Variants in SUGCT observed in about 807,000 individuals in gnomAD.
The protein encoded by SUGCT is succinyl-CoA:glutarate CoA-transferase.
A neutral mutation model predicts 55.0 loss-of-function variants in SUGCT; 41 were observed. The observed-to-expected ratio is 0.74, with a 90% CI of 0.58 to 0.97. The LOEUF is 0.97. Ranked by LOEUF, SUGCT falls within the 50% of genes least tolerant of loss-of-function variation. The probability of loss-of-function intolerance (pLI) is 0.00; values close to 1 mark genes in which losing one functional copy is unlikely to be tolerated. For missense variants in SUGCT, 568 were observed against 547.8 expected (o/e 1.04, Z -0.37); for synonymous variants, 187 against 200.4 (o/e 0.93, Z 0.56).
chr7:40,827,162 G>A (rs1246040167), intron 13 of SUGCT, among the ~76,000 whole-genome samples: 1 of 152,220 alleles, frequency 6.6e-6, no homozygotes, highest in Non-Finnish European at 1.5e-5. Context: ...GAGGGAAAGA[G>A]AAGCATAGGA....
the SUGCT span, among the ~76,000 whole-genome samples, chr7:40,931,383 C>CT: frequency 3.6e-4 from 55 of 152,184 alleles, 1 homozygote; most frequent in East Asian, 0.01. Flanking sequence ...CTAAAATTCT[C>CT]TTTTTTTGTT....
At chr7:40,728,938 A>G (rs1181355292) in intron 12 of SUGCT, among the ~76,000 whole-genome samples, 2 of 152,250 alleles carry the variant, frequency 1.3e-5, no homozygotes, top group Non-Finnish European at 2.9e-5. Context: ...TGTAAGTCAT[A>G]TAATCATCTC....
At chr7:40,837,874 A>G (rs12701838) in intron 13 of SUGCT, among the ~76,000 whole-genome samples, 32,886 of 152,102 alleles carry the variant, frequency 0.22, 4,113 homozygotes, top group South Asian at 0.35. Context: ...TTGGCCTCCC[A>G]AAGTGCTGGG....
chr7:40,964,246 C>G, the SUGCT span, among the ~76,000 whole-genome samples: 1 of 152,208 alleles, frequency 6.6e-6, no homozygotes, highest in Non-Finnish European at 1.5e-5. Context: ...GAAAGGTCTT[C>G]CTGGGTAGAG....
In SUGCT at chr7:40,255,224, T is replaced by C. The variant is rs547381362; in HGVS notation, c.576+17498T>C. 9.3e-3 allele frequency among the ~76,000 whole-genome samples: 933 copies of C among 100,722 alleles called. 18 individuals carry two copies. Among genetic ancestry groups the C allele is most frequent in the East Asian group, 0.041 (129 of 3,146 alleles). 66.1% of individuals were successfully genotyped at this position (100,722 alleles called of 152,430 possible). A position where few individuals can be genotyped will look rare whatever the true frequency, so the allele number is the denominator to read the frequency against. On this transcript the variant is annotated intron_variant, in intron 7 of 13. Coordinates refer to ENST00000335693, the MANE Select transcript of SUGCT (RefSeq NM_001193313.2). ...CCTGGGCAACAAGAGTGAAACTTCA[T>C]CTCAAAAAAAAAAAAAAAAAGAATC...
intron 12 of SUGCT, among the ~76,000 whole-genome samples, chr7:40,710,615 T>C (rs1162634280): frequency 6.6e-6 from 1 of 151,954 alleles, no homozygotes; most frequent in Non-Finnish European, 1.5e-5. Flanking sequence ...ATTTCTAAAA[T>C]CATACCTAAA....
At chr7:40,599,769 T>G (rs1798199418) in intron 12 of SUGCT, among the ~76,000 whole-genome samples, 1 of 152,144 alleles carries the variant, frequency 6.6e-6, no homozygotes, top group Admixed American at 6.5e-5. Context: ...AAGCAGTCCT[T>G]TCTTATTTTC....
chr7:40,464,598 G>A (rs1307634373), intron 11 of SUGCT, among the ~76,000 whole-genome samples: 1 of 152,176 alleles, frequency 6.6e-6, no homozygotes, highest in Non-Finnish European at 1.5e-5. Context: ...TTACCATGTG[G>A]TAAAGTGGTA....
At chr7:40,966,197 G>A in the SUGCT span, 4 of 152,194 alleles carry the variant, frequency 2.6e-5, no homozygotes, top group Non-Finnish European at 4.4e-5. Context: ...AATTTTACAG[G>A]TGGTAAAACT....
At chr7:40,395,828 TATC>T (rs1785697637) in intron 9 of SUGCT, among the ~76,000 whole-genome samples, 1 of 152,194 alleles carries the variant, frequency 6.6e-6, no homozygotes, top group Non-Finnish European at 1.5e-5. Context: ...AGTGGGAAGT[TATC>T]ATTCTCCTAA....
the SUGCT span, among the ~76,000 whole-genome samples, chr7:41,026,299 G>C: frequency 2.6e-5 from 4 of 152,114 alleles, no homozygotes; most frequent in Admixed American, 1.3e-4. Context: ...ATCTTTACCT[G>C]GTCAGCGCTG....
rs2108189 is a variant in SUGCT, at chr7:40,629,256, C to A, written c.1090-120178C>A. 3.0e-3 allele frequency among the ~76,000 whole-genome samples: 453 copies of A among 152,312 alleles called. 7 individuals are homozygous for A. Among genetic ancestry groups the A allele is most frequent in the East Asian group, 0.029 (151 of 5,182 alleles). On this transcript the variant is annotated intron_variant, in intron 12 of 13. Transcript: ENST00000335693. ...ATGATAGAGAAAAACCTGTGTGCTG[C>A]TCTTCAAGGCATGTCAGATCTAAAT...
intron 11 of SUGCT, among the ~76,000 whole-genome samples, chr7:40,470,645 CTT>C (rs1056921450): frequency 1.3e-5 from 2 of 152,092 alleles, no homozygotes; most frequent in Non-Finnish European, 2.9e-5. Flanking sequence ...TTATCAATGT[CTT>C]TTCCATAGCA....
At chr7:40,324,261 A>ATATTTATTTATT (rs1554311582) in intron 9 of SUGCT, among the ~76,000 whole-genome samples, 2 of 99,978 alleles carry the variant, frequency 2.0e-5, no homozygotes, top group South Asian at 3.8e-4. Context: ...AAATATATAT[A>ATATTTATTTATT]TATTTATTTT....
chr7:40,950,113 G>A, the SUGCT span, among the ~76,000 whole-genome samples: 2 of 152,128 alleles, frequency 1.3e-5, no homozygotes, highest in Non-Finnish European at 2.9e-5. Context: ...CCATTTGTTT[G>A]TATCTTCTTC....
intron 6 of SUGCT, among the ~76,000 whole-genome samples, chr7:40,225,435 A>ATTTT (rs34672683): frequency 8.0e-5 from 11 of 138,360 alleles, no homozygotes; most frequent in African/African-American, 2.9e-4. Context: ...ATAATATATG[A>ATTTT]TTTTTTTTTT....
At chr7:40,329,064 A>G (rs1236698143) in intron 9 of SUGCT, among the ~76,000 whole-genome samples, 2 of 152,176 alleles carry the variant, frequency 1.3e-5, no homozygotes, top group East Asian at 3.8e-4. Context: ...GCATGTAGTT[A>G]CATGTCCTGT....
At chr7:40,453,763 G>A (rs1441310903) in intron 10 of SUGCT, among the ~76,000 whole-genome samples, 1 of 152,128 alleles carries the variant, frequency 6.6e-6, no homozygotes, top group Non-Finnish European at 1.5e-5. Flanking sequence ...AAATGTCCAG[G>A]ATACAATCCA....
At chr7:40,553,521 A>G (rs539532721) in intron 12 of SUGCT, among the ~76,000 whole-genome samples, 3 of 152,352 alleles carry the variant, frequency 2.0e-5, no homozygotes, top group African/African-American at 7.2e-5. Flanking sequence ...CCATGGATTT[A>G]CAGAAATCAC....
Sources: gnomAD v4.1 joint callset for allele counts (sites outside exome capture counted in the v4.1 genomes callset) on GRCh38, gnomAD v4.1.1 for gene constraint, MANE v1.5 for transcripts, NCBI Gene and HGNC (gene_info 2026-07-23, HGNC 2026-07-21) for gene names.